CTSB: variants seen among roughly 807,000 people sequenced by gnomAD.
CTSB encodes cathepsin B, also known as APP secretase.
A neutral mutation model predicts 44.3 loss-of-function variants in CTSB; 57 were observed. That is an observed-to-expected ratio of 1.29 (90% CI 1.04 to 1.60). The LOEUF is 1.60. Ranked by LOEUF, CTSB falls within the 40% of genes most tolerant of loss-of-function variation. The pLI is 0.00. For synonymous variants in CTSB, 320 were observed against 168.0 expected, an observed-to-expected ratio of 1.91 and a Z score of -7.00; for missense variants, 768 against 443.0, an observed-to-expected ratio of 1.73 and a Z score of -6.59.
Position 11,848,700 on chromosome 8 carries a change from G to A in CTSB, c.446+346C>T, listed in dbSNP as rs140857426. ...TTGTTGTTAAGGTGGAGCCATCCCC[G>A]CTAACTACACATAAGGAAATGCCCC... is the stretch of plus-strand genomic sequence containing the variant. On this transcript the variant is annotated intron_variant, in intron 5 of 9. Transcript: ENST00000353047. 1.6e-4 allele frequency: 47 copies of A among 301,016 alleles called. 1 individual carries two copies. In the East Asian group the frequency reaches 2.0e-3, roughly 13 times the overall value. The allele number at this position is 301,016 out of a possible 1,614,324, so 18.6% of individuals were successfully genotyped here. A position where few individuals can be genotyped will look rare whatever the true frequency, so the allele number is the denominator to read the frequency against.
chr8:11,848,373 C>T (rs1363595815), intron 5 of CTSB: 2 of 665,654 alleles, frequency 3.0e-6, no homozygotes, highest in Non-Finnish European at 5.5e-6. Context: ...CCACAAAGAT[C>T]CGGGAGAAGA....
At position 11,844,695 on chromosome 8, in the gene CTSB, G is replaced by A. The variant is rs6730; in HGVS notation, c.*430C>T. 0.9 allele frequency: 147,545 copies of A among 164,014 alleles called. 68,133 individuals carry two copies. The highest frequency in any genetic ancestry group is 0.99 in the Non-Finnish European group (74,734 of 75,304). 10.2% of individuals were successfully genotyped at this position (164,014 alleles called of 1,614,324 possible). ...CGTTCTCCAAAGGGCTCCCAACACC[G>A]TCTCTCCTCTGATTTCTGTGACAAA... On this transcript the variant is annotated 3_prime_UTR_variant, in exon 10 of 10. Transcript: ENST00000353047.
At chr8:11,846,626 G>A (rs767306319) in intron 8 of CTSB, among the ~76,000 whole-genome samples, 1 of 152,186 alleles carries the variant, frequency 6.6e-6, no homozygotes, top group Non-Finnish European at 1.5e-5. Flanking sequence ...CCTTTGCAAA[G>A]AGAAAGATGA....
At chr8:11,850,661 TG>T (rs1237534895) in intron 4 of CTSB, 1 of 460,072 alleles carries the variant, frequency 2.2e-6, no homozygotes, top group African/African-American at 2.0e-5. Context: ...TGCAATCTGC[TG>T]GATGCTCTGC....
intron 1 of CTSB, among the ~76,000 whole-genome samples, chr8:11,866,544 G>A (rs1452294999): frequency 1.3e-5 from 2 of 152,256 alleles, no homozygotes; most frequent in Admixed American, 6.5e-5. Context: ...CCTTTCTCCA[G>A]GAGCTGGCGG....
At chr8:11,846,921 C>G in intron 8 of CTSB, 131 bp downstream of exon 8, 1 of 676,598 alleles carries the variant, frequency 1.5e-6, no homozygotes, top group Non-Finnish European at 2.7e-6. Context: ...ATGGAAGGCC[C>G]CACACAGCCC....
rs1453781034 is a variant in CTSB at position 11,845,766 on chromosome 8, C to G, written c.817G>C (p.Glu273Gln). 5 of 1,614,008 alleles carry G rather than the reference C, an allele frequency of 3.1e-6. No homozygotes were observed. Among genetic ancestry groups the G allele is most frequent in the Non-Finnish European group, 4.2e-6 (5 of 1,179,920 alleles). ...CGGATGGCATGGCCACCCATCATCTCTCCGGTGACGTGTTGGTACACTCCT... is the reference window on the plus strand; with the variant it reads ...CGGATGGCATGGCCACCCATCATCTGTCCGGTGACGTGTTGGTACACTCCT... ...KSGVYQHVTG[E>Q]MMGGHAIRIL... Residue 273 changes from glutamate to glutamine, a missense_variant, in exon 9 of 10, where the codon GAG becomes CAG. Transcript: ENST00000353047.
At position 11,843,392 on chromosome 8, in the gene CTSB, T is replaced by G. The variant is rs1065379; in HGVS notation, c.*1733A>C. ...AAACTTGAATGCTTTTGGAAAGAGCTAGCCTCATACCACTTCAGTTGGGAA... is the reference window on the plus strand; with the variant it reads ...AAACTTGAATGCTTTTGGAAAGAGCGAGCCTCATACCACTTCAGTTGGGAA... On this transcript the variant is annotated 3_prime_UTR_variant, in exon 10 of 10. Coordinates refer to ENST00000353047, the MANE Select transcript of CTSB (RefSeq NM_001908.5). 6.6e-6 allele frequency: 1 copy of G among 152,196 alleles called. No homozygotes were observed. The highest frequency in any genetic ancestry group is 1.5e-5 in the Non-Finnish European group (1 of 68,032). 9.4% of individuals were successfully genotyped at this position (152,196 alleles called of 1,614,324 possible).
In CTSB at chr8:11,842,936, CTTTTT is replaced by C. The variant is rs56927740; in HGVS notation, c.*2184_*2188del. 29 of 90,808 alleles carry C rather than the reference CTTTTT, an allele frequency of 3.2e-4. No homozygotes were observed. The highest frequency in any genetic ancestry group is 9.4e-4 in the African/African-American group (21 of 22,342). 5.6% of individuals were successfully genotyped at this position (90,808 alleles called of 1,614,324 possible). ...ACAGGCTTGAGCCACTGCGCCCGGC[CTTTTT>C]TTTTTTTTTTTTTTTTTTAATTATT... is the stretch of plus-strand genomic sequence containing the variant. On this transcript the variant is annotated 3_prime_UTR_variant, in exon 10 of 10. Coordinates refer to ENST00000353047, the MANE Select transcript of CTSB (RefSeq NM_001908.5).
intron 5 of CTSB, chr8:11,848,391 C>G: frequency 1.5e-6 from 1 of 647,008 alleles, no homozygotes; most frequent in Non-Finnish European, 2.9e-6. Context: ...AGACAGGAGG[C>G]TCTCCTGTTC....
intron 1 of CTSB, among the ~76,000 whole-genome samples, chr8:11,858,832 G>C (rs1035207097): frequency 6.6e-6 from 1 of 152,188 alleles, no homozygotes; most frequent in Non-Finnish European, 1.5e-5. Flanking sequence ...CAGCTTTCCA[G>C]GGTCTTTGCA....
At chr8:11,853,611 A>T (rs1815000566) in intron 1 of CTSB, 132 bp from the exon 2 acceptor site, 1 of 866,756 alleles carries the variant, frequency 1.2e-6, no homozygotes, top group Admixed American at 3.0e-5. Flanking sequence ...ACTCTTAAGG[A>T]GCTGAGGTGT....
intron 9 of CTSB, 108 bp downstream of exon 9, chr8:11,845,553 A>G (rs1813136810): frequency 7.4e-7 from 1 of 1,359,750 alleles, no homozygotes; most frequent in Non-Finnish European, 1.0e-6. Context: ...GCCTGGCCGT[A>G]GGTCCAGGGT....
In CTSB at chr8:11,845,091, G is replaced by GC; in HGVS notation, c.*33dup. 2 of 1,392,738 alleles carry GC rather than the reference G, an allele frequency of 1.4e-6. No homozygotes were observed. Among genetic ancestry groups the GC allele is most frequent in the Non-Finnish European group, 2.0e-6 (2 of 979,332 alleles). 86.3% of individuals were successfully genotyped at this position (1,392,738 alleles called of 1,614,324 possible). A position where few individuals can be genotyped will look rare whatever the true frequency, so the allele number is the denominator to read the frequency against. On this transcript the variant is annotated 3_prime_UTR_variant, in exon 10 of 10. Transcript: ENST00000353047. ...TAAAATGCATTTCTACCCCGATCTC[G>GC]CCCCCAGGACTGGCACGACAGGCCC...
chr8:11,862,933 C>A (rs536068737), intron 1 of CTSB, among the ~76,000 whole-genome samples: 1 of 152,328 alleles, frequency 6.6e-6, no homozygotes, highest in South Asian at 2.1e-4. Context: ...GATGACCAGA[C>A]CAAAGAAGTT....
At chr8:11,856,666 C>G (rs1052659256) in intron 1 of CTSB, among the ~76,000 whole-genome samples, 1 of 151,890 alleles carries the variant, frequency 6.6e-6, no homozygotes, top group African/African-American at 2.4e-5. Flanking sequence ...GTAAAAATGC[C>G]CCAAGTCCCA....
In CTSB at chr8:11,845,054, G is replaced by T; in HGVS notation, c.*71C>A. The T allele has an allele frequency of 4.8e-6, 5 of 1,042,362 alleles. No individual in the cohort carries two copies. The highest frequency in any genetic ancestry group is 7.5e-6 in the Non-Finnish European group (5 of 669,520). The allele number at this position is 1,042,362 out of a possible 1,614,324, so 64.6% of individuals were successfully genotyped here. The stretch of plus-strand genomic sequence containing the variant: ...CCTGTCTGAAACTTGTATCTTACGT[G>T]AACTTAAAGAATAAAATGCATTTCT... On this transcript the variant is annotated 3_prime_UTR_variant, in exon 10 of 10. Coordinates refer to ENST00000353047, the MANE Select transcript of CTSB (RefSeq NM_001908.5).
At position 11,850,889 on chromosome 8, in the gene CTSB, G is replaced by C. The variant is rs764168103; in HGVS notation, c.304C>G (p.Gln102Glu). The change falls in exon 4 of 10, where the codon CAG (glutamine) becomes GAG (glutamate). Residue 102 changes from glutamine to glutamate, a missense_variant. Physicochemically the swap from Gln to Glu is conservative, Grantham distance 29. Coordinates refer to ENST00000353047, the MANE Select transcript of CTSB (RefSeq NM_001908.5). The part of the protein sequence containing the change: ...QCPTIKEIRD[Q>E]GSCGSCWAFG... Reference sequence around the variant, plus strand: ...ACCCAGCAGGAGCCACAGGAGCCCTGGTCTCTGATCTCTTTGATGGTGGGA... The same window carrying C: ...ACCCAGCAGGAGCCACAGGAGCCCTCGTCTCTGATCTCTTTGATGGTGGGA... 1 of 1,613,060 alleles carries C rather than the reference G, an allele frequency of 6.2e-7. No individual in the cohort carries two copies. The highest frequency in any genetic ancestry group is 8.5e-7 in the Non-Finnish European group (1 of 1,179,458).
At chr8:11,864,039 C>A (rs1053787788) in intron 1 of CTSB, among the ~76,000 whole-genome samples, 9 of 152,126 alleles carry the variant, frequency 5.9e-5, no homozygotes, top group African/African-American at 1.9e-4. Flanking sequence ...ACACACTGGG[C>A]ACTTAACACA....
Sources: allele counts gnomAD v4.1 joint callset (sites outside exome capture counted in the v4.1 genomes callset), GRCh38; gene constraint gnomAD v4.1.1; transcripts MANE v1.5; gene names NCBI Gene and HGNC (gene_info 2026-07-23, HGNC 2026-07-21).